Variants in GRID2 observed in about 807,000 individuals in gnomAD.
The protein encoded by GRID2 is glutamate receptor ionotropic, delta-2.
GRID2 carries 33 observed loss-of-function variants against 114.8 expected under a neutral mutation model. That is an observed-to-expected ratio of 0.29 (90% confidence interval 0.22 to 0.38). GRID2 has a LOEUF of 0.38. GRID2 is among the 10% of genes least tolerant of loss of function. GRID2 has a pLI of 1.00. For missense variants in GRID2, 1,184 were observed against 1,257.7 expected (o/e 0.94, Z 0.89); for synonymous variants, 505 against 449.9 (o/e 1.12, Z -1.55).
chr4:93,514,073 G>A (rs1361095904), intron 12 of GRID2, among the ~76,000 whole-genome samples: 1 of 152,126 alleles, frequency 6.6e-6, no homozygotes, highest in Non-Finnish European at 1.5e-5. Context: ...ATTCCCAAAA[G>A]TTAGTGAGTT....
chr4:92,765,177 T>C (rs1229287452), intron 2 of GRID2, among the ~76,000 whole-genome samples: 1 of 152,218 alleles, frequency 6.6e-6, no homozygotes, highest in East Asian at 1.9e-4. Context: ...TTTGGTATTA[T>C]GTTTCTCAAT....
intron 11 of GRID2, among the ~76,000 whole-genome samples, chr4:93,482,221 A>C (rs1301823658): frequency 6.6e-6 from 1 of 152,082 alleles, no homozygotes; most frequent in Non-Finnish European, 1.5e-5. Flanking sequence ...TCATTTTACT[A>C]TAAAGACACA....
intron 1 of GRID2, among the ~76,000 whole-genome samples, chr4:92,340,413 T>C (rs962673178): frequency 2.0e-5 from 3 of 152,190 alleles, no homozygotes; most frequent in African/African-American, 7.2e-5. Context: ...ATTCTGATCT[T>C]GGTGCACAAA....
At chr4:92,764,069 T>G (rs1738146782) in intron 2 of GRID2, among the ~76,000 whole-genome samples, 1 of 152,134 alleles carries the variant, frequency 6.6e-6, no homozygotes, top group Non-Finnish European at 1.5e-5. Context: ...CTCTTTATTC[T>G]CCACCTCATG....
chr4:93,717,279 G>A (rs921781847), intron 14 of GRID2, among the ~76,000 whole-genome samples: 1 of 152,076 alleles, frequency 6.6e-6, no homozygotes, highest in South Asian at 2.1e-4. Context: ...GGAAGGAGAA[G>A]TATTTTCTCA....
intron 2 of GRID2, among the ~76,000 whole-genome samples, chr4:92,825,855 C>T (rs936006851): frequency 3.3e-5 from 5 of 152,110 alleles, no homozygotes; most frequent in African/African-American, 1.2e-4. Context: ...TGGGGAACTA[C>T]TTAATTCATT....
chr4:93,715,075 A>G lies in GRID2; in HGVS notation c.2361-54135A>G, dbSNP rs376447292. On this transcript the variant is annotated intron_variant, in intron 14 of 15. Transcript: ENST00000282020. ...TTTTATAGTTTTGGGTTTTACATTT[A>G]AATTTTTAATCCATCTTGAGTTGAT... is the stretch of plus-strand genomic sequence containing the variant. 3.9e-5 allele frequency among the ~76,000 whole-genome samples: 6 copies of G among 152,290 alleles called. No homozygotes were observed. In the East Asian group the frequency reaches 7.7e-4, roughly 20 times the overall value.
intron 8 of GRID2, among the ~76,000 whole-genome samples, chr4:93,279,717 A>G (rs1752455115): frequency 6.6e-6 from 1 of 151,994 alleles, no homozygotes; most frequent in Admixed American, 6.6e-5. Context: ...ATATATCTTC[A>G]GAATGAACAG....
intron 1 of GRID2, among the ~76,000 whole-genome samples, chr4:92,398,568 G>T (rs564497409): frequency 1.3e-5 from 2 of 152,260 alleles, no homozygotes; most frequent in East Asian, 1.9e-4. Flanking sequence ...CAAAGTGCTG[G>T]GATTACAGGC....
At chr4:92,902,675 A>G (rs1578424484) in intron 2 of GRID2, among the ~76,000 whole-genome samples, 3 of 152,000 alleles carry the variant, frequency 2.0e-5, no homozygotes, top group Admixed American at 2.0e-4. Flanking sequence ...TGTATATGTG[A>G]GATGTAGGGG....
At chr4:93,559,507 T>A (rs1478917411) in intron 13 of GRID2, among the ~76,000 whole-genome samples, 1 of 152,142 alleles carries the variant, frequency 6.6e-6, no homozygotes. Context: ...ATTGGAGAAA[T>A]GCAAATCAAA....
At position 93,085,162 on chromosome 4, in the gene GRID2, A is replaced by G. The variant is rs1730219839; in HGVS notation, c.412A>G (p.Arg138Gly). The change falls in exon 3 of 16, where the codon AGG (arginine) becomes GGG (glycine). Residue 138 changes from arginine to glycine, a missense_variant. By Grantham distance (125) the Arg-to-Gly change is moderately radical (BLOSUM62 -2). Around this residue, in one of 3 missense-constraint regions of GRID2, gnomAD observed 455 missense variants for 429.5 expected, o/e 1.06. Coordinates refer to ENST00000282020, the MANE Select transcript of GRID2 (RefSeq NM_001510.4). ...TGGCTGTGGACTCACCCGGAGCAAC[A>G]GGAATGATGACTACACTCTCTCAGT... ...RSGCGLTRSN[R>G]NDDYTLSVRP... 6.2e-7 allele frequency: 1 copy of G among 1,614,086 alleles called. No individual in the cohort carries two copies. The highest frequency in any genetic ancestry group is 8.5e-7 in the Non-Finnish European group (1 of 1,180,002).
In GRID2 at chr4:93,224,811, A is replaced by G. The variant is rs564359823; in HGVS notation, c.1125+36A>G. On this transcript the variant is annotated intron_variant, in intron 7 of 15. Coordinates refer to ENST00000282020, the MANE Select transcript of GRID2 (RefSeq NM_001510.4). ...AATTTTCATGTAAAAAGGATATGGT[A>G]AATAATTATTTGACATATTTTAGAA... 11 of 1,435,214 alleles carry G rather than the reference A, an allele frequency of 7.7e-6. No individual in the cohort carries two copies. In the African/African-American group the frequency reaches 1.4e-4, roughly 19 times the overall value. The allele number at this position is 1,435,214 out of a possible 1,614,324, so 88.9% of individuals were successfully genotyped here.
chr4:93,109,523 T>C (rs1732571665), intron 3 of GRID2, among the ~76,000 whole-genome samples: 1 of 152,166 alleles, frequency 6.6e-6, no homozygotes, highest in African/African-American at 2.4e-5. Flanking sequence ...ACTTACTGCT[T>C]TTTCTGGTTT....
At chr4:93,407,786 CGT>C (rs1766655960) in intron 9 of GRID2, among the ~76,000 whole-genome samples, 2 of 85,278 alleles carry the variant, frequency 2.3e-5, no homozygotes, top group Admixed American at 1.1e-4. Flanking sequence ...TCATCCTCCT[CGT>C]CCTCCTCCTC....
chr4:93,444,058 G>A (rs1721870967), intron 10 of GRID2, among the ~76,000 whole-genome samples: 2 of 151,844 alleles, frequency 1.3e-5, no homozygotes, highest in South Asian at 4.2e-4. Context: ...AGATATTATG[G>A]GATAAGTCCC....
intron 14 of GRID2, among the ~76,000 whole-genome samples, chr4:93,679,451 C>T (rs1725280109): frequency 6.6e-6 from 1 of 150,848 alleles, no homozygotes; most frequent in African/African-American, 2.5e-5. Flanking sequence ...ACAGAACTCT[C>T]CACCCCAAAT....
intron 11 of GRID2, among the ~76,000 whole-genome samples, chr4:93,476,000 C>T (rs1434806919): frequency 6.6e-6 from 1 of 151,918 alleles, no homozygotes. Flanking sequence ...CCTTTCCCAG[C>T]CCTCATTTCA....
intron 2 of GRID2, among the ~76,000 whole-genome samples, chr4:92,753,030 A>G (rs1013941539): frequency 6.6e-6 from 1 of 152,182 alleles, no homozygotes; most frequent in African/African-American, 2.4e-5. Flanking sequence ...GGACAAATGA[A>G]TGAATATTCA....
Sources: allele counts gnomAD v4.1 joint callset (sites outside exome capture counted in the v4.1 genomes callset), GRCh38; gene constraint gnomAD v4.1.1; regional missense constraint gnomAD v4.1.1; transcripts MANE v1.5; gene names NCBI Gene and HGNC (gene_info 2026-07-23, HGNC 2026-07-21).